Variants in ITGAE observed in about 807,000 individuals in gnomAD.
The protein encoded by ITGAE is integrin alpha-E.
In ITGAE, 99 loss-of-function variants were observed where a neutral mutation model predicts 136.5. The observed-to-expected ratio is 0.73, with a 90% CI of 0.62 to 0.86. The LOEUF is 0.86. ITGAE is among the 40% of genes least tolerant of loss of function. The probability of loss-of-function intolerance (pLI) is 0.00; values close to 1 mark genes in which losing one functional copy is unlikely to be tolerated. For synonymous variants in ITGAE, 613 were observed against 591.8 expected (o/e 1.04, Z -0.52); for missense variants, 1,447 against 1,515.3 (o/e 0.95, Z 0.75).
In ITGAE at chr17:3,801,172, G is replaced by A; in HGVS notation, c.-28C>T. On this transcript the variant is annotated 5_prime_UTR_variant, in exon 1 of 31. Coordinates refer to ENST00000263087, the MANE Select transcript of ITGAE (RefSeq NM_002208.5). ...TTGCTGGAGCAGAGGCGGCTGTGTG[G>A]GAGCCGAGGCGAGTGCGACACATGG... 4.4e-6 allele frequency: 7 copies of A among 1,608,388 alleles called. No homozygotes were observed. Among genetic ancestry groups the A allele is most frequent in the Non-Finnish European group, 5.9e-6 (7 of 1,179,866 alleles).
Position 3,794,093 on chromosome 17 carries a change from C to A in ITGAE, c.34+7018G>T, listed in dbSNP as rs1370252428. On this transcript the variant is annotated intron_variant, in intron 1 of 30. Coordinates refer to ENST00000263087, the MANE Select transcript of ITGAE (RefSeq NM_002208.5). The stretch of plus-strand genomic sequence containing the variant: ...TCCTGGGTTCAAGCGATTCTCCTGC[C>A]TAAGCCTCCCAAGTAGCTGGGATTA... Among the ~76,000 whole-genome samples, 3 of 150,552 alleles carry A rather than the reference C, an allele frequency of 2.0e-5. No individual in the cohort carries two copies. In the South Asian group the frequency reaches 6.3e-4, roughly 31 times the overall value.
Position 3,754,994 on chromosome 17 carries a change from A to G in ITGAE, c.1384+123T>C, listed in dbSNP as rs1362483978. 38 of 203,070 alleles carry G rather than the reference A, an allele frequency of 1.9e-4. No homozygotes were observed. In the South Asian group the frequency reaches 3.7e-3, roughly 20 times the overall value. 12.6% of individuals were successfully genotyped at this position (203,070 alleles called of 1,614,324 possible). A position where few individuals can be genotyped will look rare whatever the true frequency, so the allele number is the denominator to read the frequency against. Reference sequence around the variant, plus strand: ...CTCACCCAGGTAGCCCCCAGGCCCCACCCTCGCCCAGGTAGGCCCCGCCCT... The same window carrying G: ...CTCACCCAGGTAGCCCCCAGGCCCCGCCCTCGCCCAGGTAGGCCCCGCCCT... On this transcript the variant is annotated intron_variant, in intron 12 of 30. Coordinates refer to ENST00000263087, the MANE Select transcript of ITGAE (RefSeq NM_002208.5).
chr17:3,791,444 G>A (rs1326796501), intron 1 of ITGAE, among the ~76,000 whole-genome samples: 2 of 151,904 alleles, frequency 1.3e-5, no homozygotes, highest in South Asian at 2.1e-4. Context: ...CAACATGCCT[G>A]GCTAATTTTT....
intron 26 of ITGAE, chr17:3,725,283 C>G: frequency 6.2e-7 from 1 of 1,614,208 alleles, no homozygotes; most frequent in South Asian, 1.1e-5. Context: ...CTTAAACACT[C>G]TAAGTATTTC....
Position 3,757,102 on chromosome 17 carries a change from C to A in ITGAE, c.1053G>T (p.Ala351=). ...CTGAGGCGATCAGGTTCAGTTCCCTCGCAGTCCTAGCACTCTTAAATTCTT... is the reference window on the plus strand; with the variant it reads ...CTGAGGCGATCAGGTTCAGTTCCCTAGCAGTCCTAGCACTCTTAAATTCTT... ...VGEEFKSART[A]RELNLIASDP... is the part of the protein sequence containing the mutation. Residue 351 remains alanine (A), a synonymous_variant, in exon 10 of 31, where the codon GCG becomes GCT. Transcript: ENST00000263087. 1 of 1,614,150 alleles carries A rather than the reference C, an allele frequency of 6.2e-7. No individual in the cohort carries two copies. The highest frequency in any genetic ancestry group is 2.2e-5 in the East Asian group (1 of 44,882).
At chr17:3,785,567 AAT>A in intron 1 of ITGAE, among the ~76,000 whole-genome samples, 1 of 150,490 alleles carries the variant, frequency 6.6e-6, no homozygotes, top group East Asian at 2.0e-4. Context: ...AAACTAGAAA[AAT>A]CTGAACCTCG....
intron 1 of ITGAE, among the ~76,000 whole-genome samples, chr17:3,797,312 C>T (rs1341172428): frequency 6.6e-6 from 1 of 150,574 alleles, no homozygotes; most frequent in Non-Finnish European, 1.5e-5. Flanking sequence ...ACTACAGGCA[C>T]CCGCCACCAT....
chr17:3,796,161 G>GTGCATCCGTGTGTGTGTGTT (rs1567565813), intron 1 of ITGAE, among the ~76,000 whole-genome samples: 1 of 77,864 alleles, frequency 1.3e-5, no homozygotes, highest in African/African-American at 6.6e-5. Context: ...GTGTGTGTGT[G>GTGCATCCGTGTGTGTGTGTT]TGTGCATCCG....
In ITGAE at chr17:3,751,393, C is replaced by T. The variant is rs192544761; in HGVS notation, c.1893+257G>A. On this transcript the variant is annotated intron_variant, in intron 15 of 30. Transcript: ENST00000263087. ...ATAGGCCAGGGAAGGAGACAGGTAC[C>T]GCCACAACCTCCCCTGAACCTGAAG... Among the ~76,000 whole-genome samples the T allele has an allele frequency of 4.3e-3, 658 of 151,798 alleles. 14 individuals are homozygous for T. The highest frequency in any genetic ancestry group is 0.015 in the African/African-American group (605 of 41,340).
intron 2 of ITGAE, among the ~76,000 whole-genome samples, chr17:3,772,398 C>CTGAATGAA (rs34814711): frequency 2.4e-4 from 37 of 151,106 alleles, no homozygotes; most frequent in East Asian, 7.8e-4. Context: ...TCCATACTTG[C>CTGAATGAA]TGAATGAATG....
At chr17:3,753,462 A>G in intron 13 of ITGAE, 32 bp from the exon 14 acceptor site, 2 of 1,607,272 alleles carry the variant, frequency 1.2e-6, no homozygotes, top group South Asian at 1.1e-5. Flanking sequence ...GCTCACCAGG[A>G]GCCCCGCTCC....
intron 1 of ITGAE, among the ~76,000 whole-genome samples, chr17:3,793,589 C>A (rs2052992813): frequency 6.6e-6 from 1 of 152,204 alleles, no homozygotes; most frequent in African/African-American, 2.4e-5. Context: ...TGATCTGGAA[C>A]CTTTGAGAGT....
rs1326772515 is a variant in ITGAE at position 3,739,984 on chromosome 17, A to T, written c.2449-106T>A. 55 of 861,220 alleles carry T rather than the reference A, an allele frequency of 6.4e-5. No homozygotes were observed. The East Asian group carries it at 1.3e-3, about 21-fold the overall frequency. 53.3% of individuals were successfully genotyped at this position (861,220 alleles called of 1,614,324 possible). On this transcript the variant is annotated intron_variant, in intron 19 of 30. Transcript: ENST00000263087. ...AAGTTTTGGGCTGTGCCTCCTGCTC[A>T]CCCTGAGAAGTGCAGTTACAGGGAG...
chr17:3,759,667 A>T, intron 7 of ITGAE, 114 bp from the exon 8 acceptor site: 1 of 1,302,842 alleles, frequency 7.7e-7, no homozygotes, highest in African/African-American at 1.5e-5. Context: ...ATCCCTGGGC[A>T]GAAAGAGATG....
chr17:3,762,760 G>T (rs571673681), intron 3 of ITGAE, among the ~76,000 whole-genome samples: 2 of 151,858 alleles, frequency 1.3e-5, no homozygotes, highest in African/African-American at 4.8e-5. Context: ...ACCACACCTG[G>T]CTAATTTCTT....
At chr17:3,716,632 G>A (rs2050948278) in intron 30 of ITGAE, 56 bp downstream of exon 30, 2 of 1,090,434 alleles carry the variant, frequency 1.8e-6, no homozygotes, top group Non-Finnish European at 2.8e-6. Flanking sequence ...AAGGAGTTCT[G>A]TGCCCAAAAC....
rs543816001 is a variant in ITGAE at position 3,738,187 on chromosome 17, C to T, written c.2522+1618G>A. ...TGTTTTGTTACCCTCCCCCCCTCCC[C>T]GTTTTTGGAGTCTTGCTCTGTCACC... is the stretch of plus-strand genomic sequence containing the variant. On this transcript the variant is annotated intron_variant, in intron 20 of 30. Coordinates refer to ENST00000263087, the MANE Select transcript of ITGAE (RefSeq NM_002208.5). 4.0e-3 allele frequency among the ~76,000 whole-genome samples: 606 copies of T among 151,618 alleles called. 6 individuals carry two copies. Among genetic ancestry groups the T allele is most frequent in the African/African-American group, 0.014 (590 of 41,310 alleles).
intron 21 of ITGAE, among the ~76,000 whole-genome samples, chr17:3,734,140 G>A (rs1307373730): frequency 3.9e-5 from 6 of 152,222 alleles, no homozygotes; most frequent in East Asian, 1.9e-4. Context: ...GCGCAATCTC[G>A]GCTCACTGCA....
At chr17:3,769,352 C>T (rs889932140) in intron 2 of ITGAE, among the ~76,000 whole-genome samples, 32 of 147,190 alleles carry the variant, frequency 2.2e-4, no homozygotes, top group East Asian at 2.1e-4. Context: ...ACCCTTTCTT[C>T]CCACCTGGAC....
Sources: gnomAD v4.1 joint callset for allele counts (sites outside exome capture counted in the v4.1 genomes callset) on GRCh38, gnomAD v4.1.1 for gene constraint, MANE v1.5 for transcripts, NCBI Gene and HGNC (gene_info 2026-07-23, HGNC 2026-07-21) for gene names.